The following PDE4D variants were observed in gnomAD, a reference collection of about 807,000 sequenced individuals.
PDE4D encodes phosphodiesterase 4D.
A neutral mutation model predicts 87.4 loss-of-function variants in PDE4D; 24 were observed. The ratio of observed to expected loss-of-function variants is 0.27; its 90% CI spans 0.20 to 0.39. The LOEUF (loss-of-function observed/expected upper bound fraction) is 0.39. Among genes scored for constraint, PDE4D ranks in the 10% least tolerant of loss-of-function variants. PDE4D has a pLI of 1.00. For synonymous variants in PDE4D, 384 were observed against 383.2 expected, an observed-to-expected ratio of 1.00 and a Z score of -0.02; for missense variants, 714 against 1,041.0, an observed-to-expected ratio of 0.69 and a Z score of 4.32.
intron 1 of PDE4D, among the ~76,000 whole-genome samples, chr5:59,750,360 C>T (rs1328834310): frequency 6.6e-6 from 1 of 152,102 alleles, no homozygotes; most frequent in African/African-American, 2.4e-5. Context: ...AGGCTCAAAG[C>T]ACTATGTGAT....
intron 3 of PDE4D, among the ~76,000 whole-genome samples, chr5:59,919,104 T>A (rs1304032510): frequency 3.3e-5 from 5 of 152,072 alleles, no homozygotes; most frequent in Non-Finnish European, 5.9e-5. Flanking sequence ...AAACCTTTTT[T>A]AAAAAAACAG....
intron 1 of PDE4D, among the ~76,000 whole-genome samples, chr5:59,330,367 C>T (rs1476151701): frequency 6.6e-6 from 1 of 152,040 alleles, no homozygotes; most frequent in Non-Finnish European, 1.5e-5. Context: ...ATCGTTTGGA[C>T]CCCATCGCTA....
rs58613622 is a variant in PDE4D at position 59,781,784 on chromosome 5, C to CAAAAAAAAAAA, written c.455+111373_455+111383dup. On this transcript the variant is annotated intron_variant, in intron 1 of 14. Transcript: ENST00000340635. ...TGGGCGACAGAGCGACACTCCATCT[C>CAAAAAAAAAAA]AAAAAAAAAAAAAAAAAAAAAAAAA... 1.3e-4 allele frequency among the ~76,000 whole-genome samples: 5 copies of CAAAAAAAAAAA among 39,898 alleles called. 1 individual carries two copies. The highest frequency in any genetic ancestry group is 1.8e-4 in the Non-Finnish European group (4 of 21,726). 26.2% of individuals were successfully genotyped at this position (39,898 alleles called of 152,430 possible). A position where few individuals can be genotyped will look rare whatever the true frequency, so the allele number is the denominator to read the frequency against.
intron 1 of PDE4D, among the ~76,000 whole-genome samples, chr5:59,308,057 T>C (rs200074045): frequency 0.062 from 9,368 of 152,118 alleles, 855 homozygotes; most frequent in East Asian, 0.45. Flanking sequence ...TCATGTCCTT[T>C]GTAGGGACAT....
At chr5:59,185,347 A>C in intron 3 of PDE4D, 85 bp from the exon 4 acceptor site, 1 of 932,272 alleles carries the variant, frequency 1.1e-6, no homozygotes, top group African/African-American at 1.6e-5. Flanking sequence ...AGAAAACTTG[A>C]TATTGCTTGC....
At chr5:59,812,175 T>C (rs1282735045) in intron 1 of PDE4D, among the ~76,000 whole-genome samples, 2 of 152,202 alleles carry the variant, frequency 1.3e-5, no homozygotes, top group African/African-American at 4.8e-5. Flanking sequence ...CTGTGCACTG[T>C]GATAACTCTA....
At chr5:60,315,588 T>C (rs1443894011) in intron 1 of PDE4D, among the ~76,000 whole-genome samples, 3 of 152,354 alleles carry the variant, frequency 2.0e-5, no homozygotes, top group Non-Finnish European at 4.4e-5. Context: ...TGGTATTGCC[T>C]AGGTTTTCTT....
chr5:59,777,329 G>A (rs146992649), intron 1 of PDE4D, among the ~76,000 whole-genome samples: 74 of 152,282 alleles, frequency 4.9e-4, no homozygotes, highest in African/African-American at 1.8e-3. Flanking sequence ...AAGACTATGA[G>A]AGGGATGGGG....
At chr5:60,018,734 A>G (rs1314105664) in intron 2 of PDE4D, among the ~76,000 whole-genome samples, 1 of 152,234 alleles carries the variant, frequency 6.6e-6, no homozygotes, top group Non-Finnish European at 1.5e-5. Flanking sequence ...AGATCAAAAG[A>G]GACAAAGAAG....
chr5:59,804,057 G>C (rs753479591), intron 1 of PDE4D, among the ~76,000 whole-genome samples: 29 of 151,838 alleles, frequency 1.9e-4, no homozygotes, highest in South Asian at 4.2e-4. Context: ...TAGTTTTTGG[G>C]GTACAGTGGG....
chr5:60,281,149 C>A (rs191059011), intron 1 of PDE4D, among the ~76,000 whole-genome samples: 40 of 152,098 alleles, frequency 2.6e-4, no homozygotes, highest in African/African-American at 9.6e-4. Flanking sequence ...TAGCAGACTT[C>A]GCTGTTAGAT....
In PDE4D at chr5:59,401,337, T is replaced by C. The variant is rs568518650; in HGVS notation, c.456-185369A>G. On this transcript the variant is annotated intron_variant, in intron 1 of 14. Coordinates refer to ENST00000340635, the MANE Select transcript of PDE4D (RefSeq NM_001104631.2). ...GTGCACACCTGTAGACCTGCACACC[T>C]GTAGATCGCTGGAGCCCAAACGTTC... 2.6e-5 allele frequency among the ~76,000 whole-genome samples: 4 copies of C among 152,246 alleles called. No homozygotes were observed. The South Asian group carries it at 8.3e-4, about 32-fold the overall frequency.
chr5:59,428,276 AC>A (rs1294739011), intron 1 of PDE4D, among the ~76,000 whole-genome samples: 1 of 152,082 alleles, frequency 6.6e-6, no homozygotes, highest in Non-Finnish European at 1.5e-5. Context: ...TTGATTTCCT[AC>A]TTCATTTTCT....
intron 3 of PDE4D, among the ~76,000 whole-genome samples, chr5:59,187,221 G>A (rs1188220260): frequency 6.6e-6 from 1 of 151,988 alleles, no homozygotes; most frequent in Non-Finnish European, 1.5e-5. Context: ...TTCTGTAGAG[G>A]AGTTTTTGCC....
chr5:59,597,675 G>C lies in PDE4D; in HGVS notation c.455+295493C>G, dbSNP rs577497291. On this transcript the variant is annotated intron_variant, in intron 1 of 14. Coordinates refer to ENST00000340635, the MANE Select transcript of PDE4D (RefSeq NM_001104631.2). ...AATTTTTTCAAATAATCATTTGAAAGCTTAAAAATATAAAAATGTATTTAA... is the reference window on the plus strand; with the variant it reads ...AATTTTTTCAAATAATCATTTGAAACCTTAAAAATATAAAAATGTATTTAA... 5.3e-5 allele frequency among the ~76,000 whole-genome samples: 8 copies of C among 152,160 alleles called. No individual in the cohort carries two copies. In the East Asian group the frequency reaches 1.5e-3, roughly 29 times the overall value.
intron 1 of PDE4D, among the ~76,000 whole-genome samples, chr5:60,505,065 G>T (rs1583952666): frequency 6.6e-6 from 1 of 152,328 alleles, no homozygotes; most frequent in East Asian, 1.9e-4. Context: ...ATTCCTGAAA[G>T]CTAGCATTTC....
intron 2 of PDE4D, among the ~76,000 whole-genome samples, chr5:59,998,988 A>C (rs1429103982): frequency 6.6e-6 from 1 of 152,226 alleles, no homozygotes; most frequent in Admixed American, 6.6e-5. Context: ...CATCAGCGAG[A>C]GAGCTAATTC....
In PDE4D at chr5:59,434,336, T is replaced by C. The variant is rs925679400; in HGVS notation, c.456-218368A>G. ...TCTCATCTTTAGGATGAGGTTATCA[T>C]CTGTTAATGACCACATCAGAGCATA... On this transcript the variant is annotated intron_variant, in intron 1 of 14. Coordinates refer to ENST00000340635, the MANE Select transcript of PDE4D (RefSeq NM_001104631.2). Among the ~76,000 whole-genome samples, 4 of 151,854 alleles carry C rather than the reference T, an allele frequency of 2.6e-5. No individual in the cohort carries two copies. In the South Asian group the frequency reaches 8.3e-4, roughly 32 times the overall value.
intron 6 of PDE4D, among the ~76,000 whole-genome samples, chr5:59,022,380 CTT>C (rs1305361535): frequency 2.0e-5 from 3 of 152,100 alleles, no homozygotes; most frequent in African/African-American, 7.2e-5. Context: ...CTCTTTCTCT[CTT>C]TCTTTCCTTA....
Sources: gnomAD v4.1 joint callset for allele counts (sites outside exome capture counted in the v4.1 genomes callset) on GRCh38, gnomAD v4.1.1 for gene constraint, MANE v1.5 for transcripts, NCBI Gene and HGNC (gene_info 2026-07-23, HGNC 2026-07-21) for gene names.